The following FARSB variants were observed in gnomAD, a reference collection of about 807,000 sequenced individuals.
The protein encoded by FARSB is phenylalanyl-tRNA synthetase subunit beta.
Under a neutral mutation model 69.6 loss-of-function variants are expected in FARSB, and 40 were observed. The ratio of observed to expected loss-of-function variants is 0.57; its 90% CI spans 0.45 to 0.75. The LOEUF (loss-of-function observed/expected upper bound fraction) is 0.75. Among genes scored for constraint, FARSB ranks in the 30% least tolerant of loss-of-function variants. The pLI, the probability that FARSB is intolerant of heterozygous loss-of-function variation, is 0.00. For missense variants in FARSB, 632 were observed against 722.9 expected, an observed-to-expected ratio of 0.87 and a Z score of 1.44; for synonymous variants, 235 against 247.2, an observed-to-expected ratio of 0.95 and a Z score of 0.46.
chr2:222,599,496 A>G (rs1392412405), intron 16 of FARSB, among the ~76,000 whole-genome samples: 1 of 152,152 alleles, frequency 6.6e-6, no homozygotes, highest in South Asian at 2.1e-4. Flanking sequence ...TTTCAGAATA[A>G]CTTCTGAGGT....
intron 1 of FARSB, 132 bp from the exon 2 acceptor site, chr2:222,648,927 A>G (rs539928930): frequency 6.0e-5 from 43 of 715,332 alleles, no homozygotes; most frequent in South Asian, 5.0e-4. Context: ...ATCACATATT[A>G]TCATTTAAAA....
chr2:222,654,647 C>T (rs551871267), intron 1 of FARSB, among the ~76,000 whole-genome samples: 6 of 152,204 alleles, frequency 3.9e-5, no homozygotes, highest in African/African-American at 1.4e-4. Context: ...TAATACAATA[C>T]CCTTGTATTT....
intron 4 of FARSB, among the ~76,000 whole-genome samples, chr2:222,640,353 G>T (rs1282560642): frequency 1.3e-5 from 2 of 151,998 alleles, no homozygotes; most frequent in Admixed American, 1.3e-4. Flanking sequence ...AGCTGGGTGT[G>T]GTGGCGTGTG....
At chr2:222,650,778 C>T (rs1248676978) in intron 1 of FARSB, among the ~76,000 whole-genome samples, 3 of 152,154 alleles carry the variant, frequency 2.0e-5, no homozygotes, top group East Asian at 3.9e-4. Context: ...ACAGCAACCC[C>T]AGCTGACAGC....
intron 15 of FARSB, among the ~76,000 whole-genome samples, chr2:222,602,943 T>C (rs1374160620): frequency 6.6e-6 from 1 of 152,078 alleles, no homozygotes; most frequent in Non-Finnish European, 1.5e-5. Flanking sequence ...AGACATATTG[T>C]ATCTATAAAA....
chr2:222,599,818 T>TCCCCCC, intron 16 of FARSB, 110 bp downstream of exon 16: 1 of 798,590 alleles, frequency 1.3e-6, no homozygotes. Flanking sequence ...GAAATAAAAC[T>TCCCCCC]CTCCCTTTCT....
chr2:222,618,256 G>A (rs1457720222), intron 14 of FARSB, among the ~76,000 whole-genome samples: 1 of 152,144 alleles, frequency 6.6e-6, no homozygotes, highest in Non-Finnish European at 1.5e-5. Context: ...TGGTTCTATA[G>A]ATAAACTTTA....
At chr2:222,578,795 T>C (rs12464753) in intron 16 of FARSB, among the ~76,000 whole-genome samples, 131,869 of 151,794 alleles carry the variant, frequency 0.87, 57,429 homozygotes, top group East Asian at 0.97. Context: ...CTGGCTAACA[T>C]GGTGAAACCC....
At chr2:222,582,486 T>C (rs1371923804) in intron 16 of FARSB, among the ~76,000 whole-genome samples, 1 of 152,256 alleles carries the variant, frequency 6.6e-6, no homozygotes, top group Non-Finnish European at 1.5e-5. Flanking sequence ...GAGTTCTCTC[T>C]ACGTCCCTTA....
At position 222,639,673 on chromosome 2, in the gene FARSB, G is replaced by T; in HGVS notation, c.362C>A (p.Ala121Glu). The T allele has an allele frequency of 1.1e-5, 17 of 1,566,494 alleles. No individual in the cohort carries two copies. Among genetic ancestry groups the T allele is most frequent in the Non-Finnish European group, 1.5e-5 (17 of 1,148,970 alleles). The change falls in exon 5 of 17, where the codon GCG becomes GAG. Residue 121 changes from alanine (A) to glutamate (E), a missense_variant. Transcript: ENST00000281828. Reference protein sequence around the residue: ...TEETAKIRPFAVAAVLRNIKF... With the variant: ...TEETAKIRPFEVAAVLRNIKF... The stretch of plus-strand genomic sequence containing the variant: ...TATATTACGGAGAACTGCTGCTACC[G>T]CAAAAGGACGTATCTTAGCTGTCTG...
At chr2:222,584,322 G>A (rs1690047714) in intron 16 of FARSB, among the ~76,000 whole-genome samples, 1 of 152,176 alleles carries the variant, frequency 6.6e-6, no homozygotes, top group Non-Finnish European at 1.5e-5. Flanking sequence ...CTTAAAGGGA[G>A]TTTCCATCCA....
At chr2:222,604,490 C>T (rs1332477868) in intron 15 of FARSB, among the ~76,000 whole-genome samples, 1 of 152,144 alleles carries the variant, frequency 6.6e-6, no homozygotes, top group Non-Finnish European at 1.5e-5. Context: ...GCGCTCTATT[C>T]TAGATATTCT....
chr2:222,653,106 G>T (rs968997351), intron 1 of FARSB, among the ~76,000 whole-genome samples: 1 of 152,122 alleles, frequency 6.6e-6, no homozygotes, highest in East Asian at 1.9e-4. Context: ...GACTATAATT[G>T]AAGAGCAGTG....
At chr2:222,651,932 G>A (rs1342250563) in intron 1 of FARSB, among the ~76,000 whole-genome samples, 1 of 152,216 alleles carries the variant, frequency 6.6e-6, no homozygotes, top group East Asian at 1.9e-4. Flanking sequence ...CAGCCATGGA[G>A]AATTATTCCA....
At chr2:222,582,280 A>G (rs1003763683) in intron 16 of FARSB, among the ~76,000 whole-genome samples, 4 of 152,238 alleles carry the variant, frequency 2.6e-5, no homozygotes, top group Non-Finnish European at 4.4e-5. Context: ...CTACAGAATC[A>G]TCTCCAATGT....
Position 222,571,959 on chromosome 2 carries a change from A to G in FARSB, c.1682T>C (p.Leu561Pro). ...GATAACGTCAGGATGAAGGACCCCA[A>G]GCTTCCCGACGCTTTGACCCCTGGC... ...IFARGQSVGK[L>P]GVLHPDVITK... Residue 561 changes from leucine to proline, a missense_variant, in exon 17 of 17, where the codon CTT becomes CCT. Physicochemically the swap from Leu to Pro is moderately conservative, Grantham distance 98 (BLOSUM62 -3). Coordinates refer to ENST00000281828, the MANE Select transcript of FARSB (RefSeq NM_005687.5). The G allele has an allele frequency of 6.2e-7, 1 of 1,614,002 alleles. No individual in the cohort carries two copies.
intron 14 of FARSB, 113 bp from the exon 15 acceptor site, chr2:222,614,041 G>C (rs1690934636): frequency 1.8e-6 from 1 of 546,358 alleles, no homozygotes; most frequent in African/African-American, 1.9e-5. Context: ...GACACTTCTG[G>C]AAAATGCATT....
At chr2:222,645,816 T>TA (rs1208095656) in intron 2 of FARSB, among the ~76,000 whole-genome samples, 3 of 152,018 alleles carry the variant, frequency 2.0e-5, no homozygotes, top group Admixed American at 6.5e-5. Flanking sequence ...GAAATTGAGA[T>TA]AAAAAATATT....
intron 13 of FARSB, among the ~76,000 whole-genome samples, chr2:222,622,752 C>T (rs1691171857): frequency 6.6e-6 from 1 of 152,148 alleles, no homozygotes. Flanking sequence ...GCCTGGAACA[C>T]AGCAGTTCTC....
Sources: allele counts gnomAD v4.1 joint callset (sites outside exome capture counted in the v4.1 genomes callset), GRCh38; gene constraint gnomAD v4.1.1; transcripts MANE v1.5; gene names NCBI Gene and HGNC (gene_info 2026-07-23, HGNC 2026-07-21).